Variants in CRADD observed in about 807,000 individuals in gnomAD.
The protein encoded by CRADD is CARD and death domain containing adaptor protein, also known as death domain-containing protein CRADD.
CRADD carries 9 observed loss-of-function variants against 15.5 expected under a neutral mutation model. That is an observed-to-expected ratio of 0.58 (90% CI 0.35 to 1.01). The LOEUF (loss-of-function observed/expected upper bound fraction) is 1.01, where lower values mean the gene tolerates loss of function less well. Among genes scored for constraint, CRADD ranks in the 50% least tolerant of loss-of-function variants. The probability of loss-of-function intolerance (pLI) is 0.02; values close to 1 mark genes in which losing one functional copy is unlikely to be tolerated. For missense variants in CRADD, 227 were observed against 250.3 expected, an observed-to-expected ratio of 0.91 and a Z score of 0.63; for synonymous variants, 118 against 107.6, an observed-to-expected ratio of 1.10 and a Z score of -0.60.
chr12:93,742,412 A>G (rs1479707202), intron 2 of CRADD, among the ~76,000 whole-genome samples: 1 of 148,924 alleles, frequency 6.7e-6, no homozygotes, highest in Admixed American at 6.6e-5. Flanking sequence ...CGGGGCAGGG[A>G]GGCGCGCGGC....
At chr12:93,728,106 C>T (rs750618417) in intron 2 of CRADD, among the ~76,000 whole-genome samples, 1 of 152,156 alleles carries the variant, frequency 6.6e-6, no homozygotes, top group Non-Finnish European at 1.5e-5. Context: ...GTACATATTA[C>T]GTGTTCAATA....
intron 2 of CRADD, among the ~76,000 whole-genome samples, chr12:93,858,587 A>G (rs1227390159): frequency 6.6e-6 from 1 of 152,200 alleles, no homozygotes; most frequent in Non-Finnish European, 1.5e-5. Context: ...CCTCAGAAGC[A>G]AAGTCTCTCT....
intron 2 of CRADD, among the ~76,000 whole-genome samples, chr12:93,859,931 T>G (rs1248317457): frequency 2.6e-5 from 4 of 151,598 alleles, no homozygotes; most frequent in Admixed American, 1.3e-4. Context: ...GGTCTCCCCG[T>G]GTTGCCCAGG....
intron 2 of CRADD, among the ~76,000 whole-genome samples, chr12:93,745,853 C>A (rs1956740520): frequency 6.6e-6 from 1 of 152,136 alleles, no homozygotes; most frequent in Admixed American, 6.5e-5. Flanking sequence ...TCAATGGATC[C>A]ATGCCAGTAC....
chr12:93,681,736 C>T (rs912664272), intron 2 of CRADD, among the ~76,000 whole-genome samples: 2 of 152,182 alleles, frequency 1.3e-5, no homozygotes, highest in African/African-American at 4.8e-5. Flanking sequence ...AACCCCCACG[C>T]AGTGAAAAGC....
intron 2 of CRADD, among the ~76,000 whole-genome samples, chr12:93,806,781 A>G (rs1493856): frequency 0.18 from 27,171 of 152,150 alleles, 2,787 homozygotes; most frequent in Admixed American, 0.26. Context: ...GATTTGATGA[A>G]CTAGGTTTTA....
At chr12:93,730,068 G>A (rs1956437943) in intron 2 of CRADD, among the ~76,000 whole-genome samples, 2 of 152,282 alleles carry the variant, frequency 1.3e-5, no homozygotes, top group South Asian at 4.1e-4. Context: ...CTACTAGCAG[G>A]TACCATTTAC....
intron 2 of CRADD, among the ~76,000 whole-genome samples, chr12:93,721,416 A>G (rs1956260195): frequency 6.6e-6 from 1 of 152,094 alleles, no homozygotes; most frequent in South Asian, 2.1e-4. Flanking sequence ...CTTATACGTT[A>G]GTGTATATAA....
rs544473393 is a variant in CRADD, at chr12:93,816,691, A to G, written c.299-33279A>G. Among the ~76,000 whole-genome samples, 8 of 152,308 alleles carry G rather than the reference A, an allele frequency of 5.3e-5. No individual in the cohort carries two copies. The South Asian group carries it at 1.2e-3, about 24-fold the overall frequency. On this transcript the variant is annotated intron_variant, in intron 2 of 2. Coordinates refer to ENST00000332896, the MANE Select transcript of CRADD (RefSeq NM_003805.5). ...CTGCCATATTGGGTAGTGCGGCTCT[A>G]GTGCAATGGCTTTCAGCAGTTCTTC...
At chr12:93,732,139 GAAA>G (rs560657069) in intron 2 of CRADD, among the ~76,000 whole-genome samples, 2 of 105,732 alleles carry the variant, frequency 1.9e-5, no homozygotes, top group Non-Finnish European at 2.1e-5. Flanking sequence ...TCCGTCTCAA[GAAA>G]AAAAAAAAAA....
At chr12:93,745,211 C>T (rs181163321) in intron 2 of CRADD, among the ~76,000 whole-genome samples, 6 of 152,108 alleles carry the variant, frequency 3.9e-5, no homozygotes, top group Admixed American at 2.0e-4. Context: ...TTATGGATCT[C>T]GATTACTGTT....
intron 2 of CRADD, among the ~76,000 whole-genome samples, chr12:93,723,735 C>G (rs1167370096): frequency 6.6e-6 from 1 of 152,214 alleles, no homozygotes; most frequent in Non-Finnish European, 1.5e-5. Context: ...GAAGTGTTCT[C>G]TTGTCCTATG....
chr12:93,685,943 A>T (rs1955420660), intron 2 of CRADD, among the ~76,000 whole-genome samples: 1 of 152,008 alleles, frequency 6.6e-6, no homozygotes. Context: ...TAGTGAGCTG[A>T]GATCGCGCCA....
intron 2 of CRADD, among the ~76,000 whole-genome samples, chr12:93,690,807 A>G (rs1026156491): frequency 6.6e-6 from 1 of 152,130 alleles, no homozygotes; most frequent in African/African-American, 2.4e-5. Context: ...CAGTTCTTAG[A>G]TCTGATTGGA....
At chr12:93,752,504 T>G (rs569346416) in intron 2 of CRADD, among the ~76,000 whole-genome samples, 1 of 152,310 alleles carries the variant, frequency 6.6e-6, no homozygotes, top group Non-Finnish European at 1.5e-5. Flanking sequence ...AGGATCCCTG[T>G]GGTTAGCAGT....
intron 2 of CRADD, among the ~76,000 whole-genome samples, chr12:93,757,552 A>G (rs1031817048): frequency 6.6e-6 from 1 of 152,258 alleles, no homozygotes; most frequent in Non-Finnish European, 1.5e-5. Flanking sequence ...CTCATCAGAC[A>G]TGTGGCTTCT....
chr12:93,713,530 A>G (rs1007797862), intron 2 of CRADD, among the ~76,000 whole-genome samples: 2 of 152,188 alleles, frequency 1.3e-5, no homozygotes, highest in Admixed American at 1.3e-4. Context: ...AGCCTCCTGT[A>G]TACTTTAAAT....
chr12:93,800,856 C>T (rs1957470124), intron 2 of CRADD, among the ~76,000 whole-genome samples: 1 of 152,132 alleles, frequency 6.6e-6, no homozygotes, highest in African/African-American at 2.4e-5. Context: ...CGCCAGCTAT[C>T]TGGGCACCCC....
chr12:93,821,778 A>G (rs971017774), intron 2 of CRADD, among the ~76,000 whole-genome samples: 3 of 152,128 alleles, frequency 2.0e-5, no homozygotes, highest in Non-Finnish European at 2.9e-5. Flanking sequence ...GCAGGACGGT[A>G]GGGAGTCAGT....
Sources: gnomAD v4.1 joint callset for allele counts (sites outside exome capture counted in the v4.1 genomes callset) on GRCh38, gnomAD v4.1.1 for gene constraint, MANE v1.5 for transcripts, NCBI Gene and HGNC (gene_info 2026-07-23, HGNC 2026-07-21) for gene names.